DSCAM: variants seen among roughly 807,000 people sequenced by gnomAD.
DSCAM encodes DS cell adhesion molecule.
In DSCAM, 47 loss-of-function variants were observed where a neutral mutation model predicts 217.7. That is an observed-to-expected ratio of 0.22 (90% CI 0.17 to 0.28). DSCAM has a LOEUF of 0.28. DSCAM is among the 10% of genes least tolerant of loss of function. DSCAM has a pLI of 1.00. For synonymous variants in DSCAM, 1,056 were observed against 1,015.3 expected (o/e 1.04, Z -0.76); for missense variants, 2,080 against 2,618.3 (o/e 0.79, Z 4.49).
intron 2 of DSCAM, among the ~76,000 whole-genome samples, chr21:40,695,915 A>G (rs1157536209): frequency 6.6e-6 from 1 of 152,062 alleles, no homozygotes; most frequent in Non-Finnish European, 1.5e-5. Context: ...AACTTAAGAC[A>G]CCAACATTGC....
chr21:40,345,432 A>G (rs2074547201), intron 6 of DSCAM, among the ~76,000 whole-genome samples: 2 of 152,212 alleles, frequency 1.3e-5, no homozygotes, highest in South Asian at 4.1e-4. Context: ...CTTTTCCCAA[A>G]GTTTCTTGTT....
intron 3 of DSCAM, among the ~76,000 whole-genome samples, chr21:40,629,279 C>G (rs2089655396): frequency 6.6e-6 from 1 of 152,116 alleles, no homozygotes; most frequent in Non-Finnish European, 1.5e-5. Flanking sequence ...TCTTCGAACC[C>G]TTTAATTCTA....
intron 3 of DSCAM, among the ~76,000 whole-genome samples, chr21:40,543,604 G>T (rs2076558495): frequency 6.6e-6 from 1 of 151,980 alleles, no homozygotes; most frequent in African/African-American, 2.4e-5. Context: ...AGGAATGGGG[G>T]GGCAGGGATC....
intron 3 of DSCAM, among the ~76,000 whole-genome samples, chr21:40,544,385 A>C (rs1335597372): frequency 6.6e-6 from 1 of 152,166 alleles, no homozygotes; most frequent in East Asian, 1.9e-4. Context: ...CTTATTTGAA[A>C]ATAGGGTATT....
intron 16 of DSCAM, among the ~76,000 whole-genome samples, chr21:40,161,115 T>C (rs1162406591): frequency 6.6e-6 from 1 of 152,186 alleles, no homozygotes; most frequent in Admixed American, 6.5e-5. Context: ...AGCATTTTCC[T>C]GGCTGCGCTC....
intron 6 of DSCAM, among the ~76,000 whole-genome samples, chr21:40,342,351 T>G (rs2074501830): frequency 6.6e-6 from 1 of 152,032 alleles, no homozygotes; most frequent in African/African-American, 2.4e-5. Context: ...TTTTCTTTTC[T>G]TAATAATGTA....
intron 3 of DSCAM, among the ~76,000 whole-genome samples, chr21:40,576,621 CAAGTT>C (rs1297115090): frequency 2.0e-5 from 3 of 151,994 alleles, no homozygotes; most frequent in Non-Finnish European, 4.4e-5. Context: ...AGAACAGAGA[CAAGTT>C]AAGATAGTGG....
chr21:40,542,953 G>A (rs960500728), intron 3 of DSCAM, among the ~76,000 whole-genome samples: 7 of 152,016 alleles, frequency 4.6e-5, no homozygotes, highest in East Asian at 3.9e-4. Context: ...CCCCTCACCC[G>A]GGCCTCTGCG....
chr21:40,038,399 C>CA (rs1243007973), intron 32 of DSCAM, among the ~76,000 whole-genome samples: 2 of 29,824 alleles, frequency 6.7e-5, no homozygotes, highest in African/African-American at 1.4e-4. Flanking sequence ...TTTATGCAGC[C>CA]AAAAACACAT....
At chr21:40,768,786 A>G (rs1174917177) in intron 1 of DSCAM, among the ~76,000 whole-genome samples, 3 of 152,220 alleles carry the variant, frequency 2.0e-5, no homozygotes, top group African/African-American at 4.8e-5. Context: ...TGAAAGTTAG[A>G]AACAAAAGCC....
chr21:40,264,195 T>G (rs2123336307), intron 11 of DSCAM, among the ~76,000 whole-genome samples: 1 of 152,318 alleles, frequency 6.6e-6, no homozygotes, highest in South Asian at 2.1e-4. Context: ...CCTGCCTAAC[T>G]TATTCTATGA....
intron 3 of DSCAM, among the ~76,000 whole-genome samples, chr21:40,655,044 C>T (rs1434770366): frequency 6.6e-6 from 1 of 152,094 alleles, no homozygotes; most frequent in African/African-American, 2.4e-5. Flanking sequence ...CACTAGCTAG[C>T]TTAGGGAGAT....
chr21:40,017,345 C>A (rs1434943803), intron 32 of DSCAM, among the ~76,000 whole-genome samples: 2 of 152,046 alleles, frequency 1.3e-5, no homozygotes, highest in African/African-American at 4.8e-5. Context: ...TTCAAAACTC[C>A]ATTTAGCTTT....
chr21:40,498,696 TAGATATATATATATGG>T (rs1568854882), intron 3 of DSCAM, among the ~76,000 whole-genome samples: 3 of 9,156 alleles, frequency 3.3e-4, no homozygotes, highest in Non-Finnish European at 5.2e-4. Flanking sequence ...TATATATATA[TAGATATATATATATGG>T]GTGTATATAT....
At chr21:40,223,084 CCT>C (rs1028944025) in intron 11 of DSCAM, among the ~76,000 whole-genome samples, 3 of 152,182 alleles carry the variant, frequency 2.0e-5, no homozygotes. Flanking sequence ...TCCGGTGTGG[CCT>C]CTCTTTCCCC....
chr21:40,278,993 A>T (rs1210958191), intron 10 of DSCAM, among the ~76,000 whole-genome samples: 1 of 152,194 alleles, frequency 6.6e-6, no homozygotes, highest in Non-Finnish European at 1.5e-5. Context: ...TAGAAGAGGG[A>T]ACATCTACTA....
At chr21:40,414,930 G>A (rs576691853) in intron 3 of DSCAM, among the ~76,000 whole-genome samples, 73 of 152,194 alleles carry the variant, frequency 4.8e-4, no homozygotes, top group African/African-American at 1.5e-3. Flanking sequence ...AAGTAACCAA[G>A]AGACAATTTT....
intron 20 of DSCAM, among the ~76,000 whole-genome samples, chr21:40,108,294 G>A (rs979620579): frequency 6.6e-6 from 1 of 152,144 alleles, no homozygotes; most frequent in Non-Finnish European, 1.5e-5. Context: ...TTCTTAAGCT[G>A]ATAAACAACT....
At chr21:40,534,909 C>A (rs1313741042) in intron 3 of DSCAM, among the ~76,000 whole-genome samples, 1 of 152,088 alleles carries the variant, frequency 6.6e-6, no homozygotes, top group Non-Finnish European at 1.5e-5. Context: ...AATCTCTAAA[C>A]TTACGTGGTA....
Sources: gnomAD v4.1 joint callset for allele counts (sites outside exome capture counted in the v4.1 genomes callset) on GRCh38, gnomAD v4.1.1 for gene constraint, MANE v1.5 for transcripts, NCBI Gene and HGNC (gene_info 2026-07-23, HGNC 2026-07-21) for gene names.